DCUN1D4: variants seen among roughly 807,000 people sequenced by gnomAD.
DCUN1D4 encodes the protein DCN1-like protein 4.
A neutral mutation model predicts 47.9 loss-of-function variants in DCUN1D4; 22 were observed. That is an observed-to-expected ratio of 0.46 (90% confidence interval 0.33 to 0.66). DCUN1D4 has a LOEUF of 0.66. DCUN1D4 is among the 30% of genes least tolerant of loss of function. The probability of loss-of-function intolerance (pLI) is 0.02; values close to 1 mark genes in which losing one functional copy is unlikely to be tolerated. For synonymous variants in DCUN1D4, 121 were observed against 112.2 expected, an observed-to-expected ratio of 1.08 and a Z score of -0.50; for missense variants, 301 against 340.8, an observed-to-expected ratio of 0.88 and a Z score of 0.92.
chr4:51,857,460 G>A (rs1165522009), intron 1 of DCUN1D4, among the ~76,000 whole-genome samples: 3 of 152,136 alleles, frequency 2.0e-5, no homozygotes, highest in Non-Finnish European at 2.9e-5. Context: ...CACCTCCATG[G>A]CACCAAGACT....
intron 4 of DCUN1D4, among the ~76,000 whole-genome samples, chr4:51,876,524 C>G (rs1360450067): frequency 6.6e-6 from 1 of 151,904 alleles, no homozygotes; most frequent in Non-Finnish European, 1.5e-5. Flanking sequence ...ACATATGTAA[C>G]AAACCTGCAC....
chr4:51,852,684 G>T (rs1347244923), intron 1 of DCUN1D4, among the ~76,000 whole-genome samples: 1 of 152,164 alleles, frequency 6.6e-6, no homozygotes, highest in East Asian at 1.9e-4. Context: ...AACGTTGATT[G>T]GCACATAATA....
chr4:51,887,071 G>C (rs752948851), intron 6 of DCUN1D4: 5 of 447,496 alleles, frequency 1.1e-5, no homozygotes, highest in Non-Finnish European at 2.2e-5. Flanking sequence ...TTCATAGATC[G>C]TTTACTTCCA....
chr4:51,899,416 T>C, intron 8 of DCUN1D4, 38 bp downstream of exon 8: 1 of 1,554,578 alleles, frequency 6.4e-7, no homozygotes, highest in South Asian at 1.2e-5. Flanking sequence ...TTTCCCTCTC[T>C]TCCCTCCCCT....
At chr4:51,906,789 A>G (rs1307265646) in intron 8 of DCUN1D4, among the ~76,000 whole-genome samples, 1 of 152,330 alleles carries the variant, frequency 6.6e-6, no homozygotes, top group African/African-American at 2.4e-5. Flanking sequence ...ACTGGCCTGT[A>G]TGTTTCTTCA....
At chr4:51,913,469 T>C in intron 10 of DCUN1D4, 60 bp from the exon 11 acceptor site, 2 of 1,567,028 alleles carry the variant, frequency 1.3e-6, no homozygotes, top group Non-Finnish European at 1.7e-6. Flanking sequence ...TCAGCTACAT[T>C]ACTATTATTA....
upstream of DCUN1D4, among the ~76,000 whole-genome samples, chr4:51,839,827 C>A (rs896548081): frequency 2.6e-5 from 4 of 152,220 alleles, no homozygotes; most frequent in Admixed American, 2.0e-4. Context: ...CCAATCCCAA[C>A]ACATGCAGGA....
chr4:51,838,544 G>A (rs1577785967), upstream of DCUN1D4, among the ~76,000 whole-genome samples: 1 of 152,040 alleles, frequency 6.6e-6, no homozygotes, highest in Non-Finnish European at 1.5e-5. Context: ...ACCACACCCA[G>A]ATAATTTTGC....
At position 51,888,114 on chromosome 4, in the gene DCUN1D4, G is replaced by C. The variant is rs568087434; in HGVS notation, c.414+1476G>C. Among the ~76,000 whole-genome samples the C allele has an allele frequency of 3.9e-5, 6 of 152,210 alleles. No individual in the cohort carries two copies. The South Asian group carries it at 1.2e-3, about 32-fold the overall frequency. ...AGAGTGTTTTCTAAACATGTAGTCA[G>C]AGGGCTGAGAGTGAGTTGGGCTTGA... On this transcript the variant is annotated intron_variant, in intron 6 of 10. Coordinates refer to ENST00000334635, the MANE Select transcript of DCUN1D4 (RefSeq NM_001040402.3).
At chr4:51,878,674 A>C (rs544767858) in intron 5 of DCUN1D4, among the ~76,000 whole-genome samples, 1 of 152,332 alleles carries the variant, frequency 6.6e-6, no homozygotes, top group South Asian at 2.1e-4. Context: ...TGCTATCTGC[A>C]GGATAAAAGA....
intron 7 of DCUN1D4, among the ~76,000 whole-genome samples, chr4:51,898,995 T>C (rs1731697194): frequency 6.6e-6 from 1 of 152,158 alleles, no homozygotes; most frequent in South Asian, 2.1e-4. Context: ...TTTTAAATGG[T>C]ATAGAAAAAT....
chr4:51,858,624 C>T (rs958442576), intron 1 of DCUN1D4, among the ~76,000 whole-genome samples: 2 of 152,180 alleles, frequency 1.3e-5, no homozygotes, highest in Non-Finnish European at 2.9e-5. Flanking sequence ...GTTTGAAATG[C>T]CATTTAATTA....
At chr4:51,895,373 A>G (rs968031970) in intron 7 of DCUN1D4, among the ~76,000 whole-genome samples, 4 of 151,724 alleles carry the variant, frequency 2.6e-5, no homozygotes, top group Non-Finnish European at 1.5e-5. Context: ...TCTCAGAGGA[A>G]TTGTGTGCTT....
chr4:51,843,481 G>C, intron 1 of DCUN1D4: 1 of 1,265,684 alleles, frequency 7.9e-7, no homozygotes, highest in Non-Finnish European at 1.0e-6. Context: ...ACCGGCCTGC[G>C]GGGAGGGCGG....
At chr4:51,843,008 G>A, upstream of DCUN1D4, 7 of 1,311,936 alleles carry the variant, frequency 5.3e-6, no homozygotes, top group South Asian at 1.8e-5. Flanking sequence ...CCAGTGGGGG[G>A]CGGGGCCTCG....
intron 3 of DCUN1D4, among the ~76,000 whole-genome samples, chr4:51,870,161 T>C (rs1726655863): frequency 1.3e-5 from 2 of 152,204 alleles, no homozygotes; most frequent in African/African-American, 4.8e-5. Flanking sequence ...CAGATAAATA[T>C]TCCGTAACAT....
chr4:51,887,102 G>T lies in DCUN1D4; in HGVS notation c.414+464G>T, dbSNP rs1327299798. ...TTCCAATTGAATTTAGCTCAGAAGT[G>T]ATTGCTTTTTTTTTTTTGAGATGGA... On this transcript the variant is annotated intron_variant, in intron 6 of 10. Transcript: ENST00000334635. 5 of 445,652 alleles carry T rather than the reference G, an allele frequency of 1.1e-5. No individual in the cohort carries two copies. In the Admixed American group the frequency reaches 1.2e-4, roughly 11 times the overall value. 27.6% of individuals were successfully genotyped at this position (445,652 alleles called of 1,614,324 possible).
At chr4:51,845,576 C>G (rs762899174) in intron 1 of DCUN1D4, among the ~76,000 whole-genome samples, 1 of 152,180 alleles carries the variant, frequency 6.6e-6, no homozygotes, top group Non-Finnish European at 1.5e-5. Flanking sequence ...ACATCCTTCA[C>G]CAGTTCCCTT....
chr4:51,888,506 C>T (rs1043410942), intron 6 of DCUN1D4, among the ~76,000 whole-genome samples: 1 of 151,866 alleles, frequency 6.6e-6, no homozygotes, highest in African/African-American at 2.4e-5. Flanking sequence ...TTTGGGAGGC[C>T]GAGACAGGCG....
Sources: gnomAD v4.1 joint callset for allele counts (sites outside exome capture counted in the v4.1 genomes callset) on GRCh38, gnomAD v4.1.1 for gene constraint, MANE v1.5 for transcripts, NCBI Gene and HGNC (gene_info 2026-07-23, HGNC 2026-07-21) for gene names.